CFAP70: variants seen among roughly 807,000 people sequenced by gnomAD.
CFAP70 encodes cilia- and flagella-associated protein 70.
A neutral mutation model predicts 137.6 loss-of-function variants in CFAP70; 81 were observed. That is an observed-to-expected ratio of 0.59 (90% CI 0.49 to 0.71). The LOEUF (loss-of-function observed/expected upper bound fraction) is 0.71. Among genes scored for constraint, CFAP70 ranks in the 30% least tolerant of loss-of-function variants. The pLI is 0.00. For missense variants in CFAP70, 976 were observed against 1,226.7 expected (o/e 0.80, Z 3.05); for synonymous variants, 382 against 423.6 (o/e 0.90, Z 1.20).
intron 25 of CFAP70, among the ~76,000 whole-genome samples, chr10:73,263,884 A>G (rs149190351): frequency 2.6e-5 from 4 of 152,222 alleles, no homozygotes; most frequent in African/African-American, 7.2e-5. Flanking sequence ...CGATTTTCCA[A>G]TTCCATCATT....
At position 73,258,457 on chromosome 10, in the gene CFAP70, A is replaced by C. The variant is rs570092774; in HGVS notation, c.3028-2041T>G. On this transcript the variant is annotated intron_variant, in intron 25 of 26. Coordinates refer to ENST00000310715, the Ensembl canonical transcript of CFAP70. ...ATCCCATCATCTTTGTAAACTGAGG[A>C]TGTATGTTGCCTCAGGATCCTGTGA... Among the ~76,000 whole-genome samples, 23 of 152,278 alleles carry C rather than the reference A, an allele frequency of 1.5e-4. No individual in the cohort carries two copies. The South Asian group carries it at 4.8e-3, about 32-fold the overall frequency.
intron 9 of CFAP70, among the ~76,000 whole-genome samples, chr10:73,314,057 GAAAT>G (rs1387069414): frequency 6.6e-6 from 1 of 151,988 alleles, no homozygotes; most frequent in African/African-American, 2.4e-5. Context: ...ATTCTTTTTT[GAAAT>G]AAACAATTTT....
chr10:73,264,898 C>G (rs77281942), intron 25 of CFAP70, among the ~76,000 whole-genome samples: 6,452 of 152,198 alleles, frequency 0.042, 415 homozygotes, highest in African/African-American at 0.14. Context: ...TCCCAAAAGT[C>G]AGAACTCTAC....
intron 19 of CFAP70, among the ~76,000 whole-genome samples, chr10:73,286,465 C>A (rs934938265): frequency 4.5e-4 from 69 of 152,032 alleles, no homozygotes; most frequent in Non-Finnish European, 7.1e-4. Flanking sequence ...AACAAACAAA[C>A]AAAAAAATCC....
At chr10:73,289,696 A>G (rs2131891985) in intron 19 of CFAP70, among the ~76,000 whole-genome samples, 1 of 152,328 alleles carries the variant, frequency 6.6e-6, no homozygotes, top group East Asian at 1.9e-4. Context: ...AAGGCAAAGG[A>G]TGCAAATAAA....
intron 6 of CFAP70, among the ~76,000 whole-genome samples, chr10:73,339,743 C>T (rs778101041): frequency 7.2e-5 from 11 of 152,222 alleles, no homozygotes; most frequent in South Asian, 2.1e-4. Flanking sequence ...ATATTGCAAA[C>T]GGCTTCCATG....
At chr10:73,255,351 C>T (rs1004846592) in intron 26 of CFAP70, among the ~76,000 whole-genome samples, 1 of 151,848 alleles carries the variant, frequency 6.6e-6, no homozygotes, top group Non-Finnish European at 1.5e-5. Flanking sequence ...GTGGAGATTG[C>T]GCCACTGCAC....
chr10:73,261,697 G>A (rs569187648), intron 25 of CFAP70, among the ~76,000 whole-genome samples: 1 of 152,042 alleles, frequency 6.6e-6, no homozygotes, highest in South Asian at 2.1e-4. Flanking sequence ...ATATCAGATG[G>A]GGTTTCACCA....
exon 11 of CFAP70, chr10:73,311,910 G>T (rs2049951158): frequency 6.2e-7 from 1 of 1,613,078 alleles, no homozygotes; most frequent in South Asian, 1.1e-5. Flanking sequence ...TATACTAGGT[G>T]CCTGCTGAAA....
At position 73,278,037 on chromosome 10, in the gene CFAP70, AGAGTT is replaced by A. The variant is rs371423053; in HGVS notation, c.2398+137_2398+141del. The A allele has an allele frequency of 6.0e-4, 420 of 700,764 alleles. 3 individuals are homozygous for A. The African/African-American group carries it at 6.6e-3, about 11-fold the overall frequency. The allele number at this position is 700,764 out of a possible 1,614,324, so 43.4% of individuals were successfully genotyped here. A position where few individuals can be genotyped will look rare whatever the true frequency, so the allele number is the denominator to read the frequency against. On this transcript the variant is annotated intron_variant, in intron 20 of 26. Transcript: ENST00000310715. The stretch of plus-strand genomic sequence containing the variant: ...AAATATAAAATCCTTGCTTACTGAG[AGAGTT>A]ACACCATTGAGTTTGGATTTCAGAG...
chr10:73,254,966 A>ATAAC (rs1389601183), intron 26 of CFAP70, among the ~76,000 whole-genome samples: 2 of 152,230 alleles, frequency 1.3e-5, no homozygotes, highest in Non-Finnish European at 2.9e-5. Flanking sequence ...CTTGCAATTC[A>ATAAC]TAACTAATAG....
chr10:73,277,190 G>A, intron 21 of CFAP70, 50 bp downstream of exon 22: 1 of 1,576,690 alleles, frequency 6.3e-7, no homozygotes, highest in South Asian at 1.2e-5. Flanking sequence ...ATAGAATAAA[G>A]AGTTTGCTAA....
intron 4 of CFAP70, chr10:73,347,007 A>G (rs1324215203): frequency 1.3e-5 from 2 of 152,212 alleles, no homozygotes; most frequent in African/African-American, 4.8e-5. Flanking sequence ...TCTTTGTTCT[A>G]TTCTTTCCCC....
At chr10:73,268,859 TAA>T (rs1409789519) in intron 25 of CFAP70, among the ~76,000 whole-genome samples, 1 of 151,980 alleles carries the variant, frequency 6.6e-6, no homozygotes, top group Admixed American at 6.6e-5. Flanking sequence ...CATTCCTGGC[TAA>T]TTTTTTGTAG....
At chr10:73,277,132 T>C in intron 21 of CFAP70, 108 bp downstream of exon 22, 1 of 1,371,422 alleles carries the variant, frequency 7.3e-7, no homozygotes, top group South Asian at 1.5e-5. Context: ...CAAAAGCATA[T>C]TTGATTTCTG....
At chr10:73,325,402 T>A (rs1216097021) in intron 8 of CFAP70, among the ~76,000 whole-genome samples, 1 of 152,140 alleles carries the variant, frequency 6.6e-6, no homozygotes, top group Non-Finnish European at 1.5e-5. Context: ...GTAAAGACCA[T>A]TGAGGCTAGG....
At chr10:73,314,617 T>G (rs1025456797) in intron 9 of CFAP70, among the ~76,000 whole-genome samples, 1 of 152,110 alleles carries the variant, frequency 6.6e-6, no homozygotes, top group Admixed American at 6.5e-5. Context: ...TTTAGTTATT[T>G]ATTTATTTGA....
At chr10:73,323,497 G>A (rs1195194511) in intron 8 of CFAP70, among the ~76,000 whole-genome samples, 20 of 152,200 alleles carry the variant, frequency 1.3e-4, no homozygotes, top group Admixed American at 2.6e-4. Flanking sequence ...GCAGCGCACC[G>A]TGTGCGAGCT....
intron 19 of CFAP70, among the ~76,000 whole-genome samples, chr10:73,288,901 C>T (rs1289792954): frequency 6.6e-6 from 1 of 152,194 alleles, no homozygotes; most frequent in East Asian, 1.9e-4. Flanking sequence ...AGCCTGAATG[C>T]TTGGAGATGT....
Sources: gnomAD v4.1 joint callset for allele counts (sites outside exome capture counted in the v4.1 genomes callset) on GRCh38, gnomAD v4.1.1 for gene constraint, MANE v1.5 for transcripts, NCBI Gene and HGNC (gene_info 2026-07-23, HGNC 2026-07-21) for gene names.